The following B3GALT1 variants were observed in gnomAD, a reference collection of about 807,000 sequenced individuals.
B3GALT1 encodes the protein beta-1,3-galactosyltransferase 1.
Under a neutral mutation model 23.2 loss-of-function variants are expected in B3GALT1, and 10 were observed. The ratio of observed to expected loss-of-function variants is 0.43; its 90% confidence interval spans 0.27 to 0.73. The LOEUF (loss-of-function observed/expected upper bound fraction) is 0.73, where lower values mean the gene tolerates loss of function less well. Among genes scored for constraint, B3GALT1 ranks in the 30% least tolerant of loss-of-function variants. The probability of loss-of-function intolerance (pLI) is 0.21; values close to 1 mark genes in which losing one functional copy is unlikely to be tolerated. For missense variants in B3GALT1, 299 were observed against 405.4 expected (o/e 0.74, Z 2.25); for synonymous variants, 156 against 141.5 (o/e 1.10, Z -0.73).
At chr2:167,547,254 G>A (rs1007862605) in intron 2 of B3GALT1, among the ~76,000 whole-genome samples, 1 of 152,158 alleles carries the variant, frequency 6.6e-6, no homozygotes, top group African/African-American at 2.4e-5. Context: ...TGGTCAGCCT[G>A]CCCGTTCAAT....
rs538159152 is a variant in B3GALT1 at position 167,806,026 on chromosome 2, C to T, written c.-351-12646C>T. Reference sequence around the variant, plus strand: ...CCTCGAGCAGTGGTTTGTAGTTCTCCTTGAAGAGGTCCTTCACATCCCTTG... The same window carrying T: ...CCTCGAGCAGTGGTTTGTAGTTCTCTTTGAAGAGGTCCTTCACATCCCTTG... On this transcript the variant is annotated intron_variant, in intron 3 of 4. Coordinates refer to ENST00000392690, the MANE Select transcript of B3GALT1 (RefSeq NM_020981.4). 2.0e-5 allele frequency among the ~76,000 whole-genome samples: 3 copies of T among 152,096 alleles called. No individual in the cohort carries two copies. In the South Asian group the frequency reaches 6.2e-4, roughly 32 times the overall value.
At chr2:167,452,522 T>A (rs1351332762) in intron 1 of B3GALT1, among the ~76,000 whole-genome samples, 1 of 152,204 alleles carries the variant, frequency 6.6e-6, no homozygotes. Flanking sequence ...TTTCACACTT[T>A]CACACTTTGG....
chr2:167,734,671 A>G (rs939877417), intron 3 of B3GALT1, among the ~76,000 whole-genome samples: 1 of 152,016 alleles, frequency 6.6e-6, no homozygotes, highest in African/African-American at 2.4e-5. Context: ...ATAAATTATG[A>G]AAGTTTCTCT....
intron 4 of B3GALT1, among the ~76,000 whole-genome samples, chr2:167,859,716 G>C (rs1042149911): frequency 6.6e-6 from 1 of 152,184 alleles, no homozygotes; most frequent in African/African-American, 2.4e-5. Context: ...CATTGCAAAT[G>C]AGTAAGTTGG....
intron 2 of B3GALT1, among the ~76,000 whole-genome samples, chr2:167,562,379 C>G (rs975693959): frequency 6.6e-6 from 1 of 152,172 alleles, no homozygotes; most frequent in Non-Finnish European, 1.5e-5. Flanking sequence ...TGGAAGCATT[C>G]CCTTTGAAAA....
intron 3 of B3GALT1, among the ~76,000 whole-genome samples, chr2:167,796,052 TC>T (rs1333263656): frequency 6.6e-6 from 1 of 152,240 alleles, no homozygotes; most frequent in Non-Finnish European, 1.5e-5. Flanking sequence ...TAGATAGTGC[TC>T]ATTATATAAT....
chr2:167,845,344 AC>A (rs1040703353), intron 4 of B3GALT1, among the ~76,000 whole-genome samples: 16 of 151,872 alleles, frequency 1.1e-4, no homozygotes, highest in African/African-American at 3.1e-4. Context: ...AGTCCATTGC[AC>A]CCCCCAACCA....
intron 3 of B3GALT1, among the ~76,000 whole-genome samples, chr2:167,802,460 C>T (rs527525827): frequency 6.6e-6 from 1 of 152,254 alleles, no homozygotes; most frequent in South Asian, 2.1e-4. Flanking sequence ...GTTGTAAACA[C>T]CTCAAACAAT....
intron 1 of B3GALT1, among the ~76,000 whole-genome samples, chr2:167,368,412 T>G (rs1352626211): frequency 6.6e-6 from 1 of 152,226 alleles, no homozygotes; most frequent in Non-Finnish European, 1.5e-5. Flanking sequence ...TTTGGAAGCC[T>G]TAAATCCCAT....
At chr2:167,533,355 AAGTG>A (rs1484378461) in intron 2 of B3GALT1, among the ~76,000 whole-genome samples, 1 of 151,626 alleles carries the variant, frequency 6.6e-6, no homozygotes, top group African/African-American at 2.4e-5. Context: ...TTTTAATTAT[AAGTG>A]AGTATCGACA....
chr2:167,733,461 T>C (rs936730680), intron 3 of B3GALT1, among the ~76,000 whole-genome samples: 2 of 152,122 alleles, frequency 1.3e-5, no homozygotes, highest in African/African-American at 4.8e-5. Flanking sequence ...GTGTATTTTA[T>C]GTGTGGCCCA....
At chr2:167,686,402 T>TTA (rs1242725302) in intron 3 of B3GALT1, among the ~76,000 whole-genome samples, 1 of 152,196 alleles carries the variant, frequency 6.6e-6, no homozygotes, top group Non-Finnish European at 1.5e-5. Flanking sequence ...GCAATGCTTA[T>TTA]TCATTCACGT....
chr2:167,565,746 A>G (rs1436724099), intron 2 of B3GALT1, among the ~76,000 whole-genome samples: 1 of 152,246 alleles, frequency 6.6e-6, no homozygotes. Context: ...AGGCACATGA[A>G]AAAATGCTCA....
intron 2 of B3GALT1, among the ~76,000 whole-genome samples, chr2:167,640,761 A>G (rs146173004): frequency 6.6e-6 from 1 of 152,254 alleles, no homozygotes; most frequent in Non-Finnish European, 1.5e-5. Flanking sequence ...ATTATGCCCC[A>G]GTCTTCTTAT....
At chr2:167,757,242 ATGGGCTG>A (rs1448035442) in intron 3 of B3GALT1, among the ~76,000 whole-genome samples, 1 of 152,138 alleles carries the variant, frequency 6.6e-6, no homozygotes, top group Admixed American at 6.6e-5. Context: ...CAGTGTAATA[ATGGGCTG>A]TGTGTAATAG....
At chr2:167,365,195 G>A (rs1021731018) in intron 1 of B3GALT1, among the ~76,000 whole-genome samples, 1 of 152,138 alleles carries the variant, frequency 6.6e-6, no homozygotes, top group Non-Finnish European at 1.5e-5. Flanking sequence ...CTAGAGACTT[G>A]CATTTAGGCT....
At chr2:167,656,322 A>G (rs926820569) in intron 3 of B3GALT1, among the ~76,000 whole-genome samples, 3 of 152,162 alleles carry the variant, frequency 2.0e-5, no homozygotes, top group South Asian at 4.1e-4. Flanking sequence ...GATAATCACA[A>G]TAGATCCATG....
chr2:167,410,771 C>T (rs1203317219), intron 1 of B3GALT1, among the ~76,000 whole-genome samples: 2 of 152,088 alleles, frequency 1.3e-5, no homozygotes, highest in East Asian at 3.9e-4. Flanking sequence ...ATAAATAGCT[C>T]CAAAAGCACA....
intron 2 of B3GALT1, among the ~76,000 whole-genome samples, chr2:167,637,550 ATTG>A (rs1343516055): frequency 6.6e-6 from 1 of 151,974 alleles, no homozygotes; most frequent in Admixed American, 6.6e-5. Context: ...TATACAATAC[ATTG>A]TTGTTAACTG....
Sources: gnomAD v4.1 joint callset for allele counts (sites outside exome capture counted in the v4.1 genomes callset) on GRCh38, gnomAD v4.1.1 for gene constraint, MANE v1.5 for transcripts, NCBI Gene and HGNC (gene_info 2026-07-23, HGNC 2026-07-21) for gene names.